NYAP2: variants seen among roughly 807,000 people sequenced by gnomAD.
NYAP2 encodes the protein neuronal tyrosine-phosphorylated phosphoinositide-3-kinase adaptor 2.
In NYAP2, 23 loss-of-function variants were observed where a neutral mutation model predicts 50.4. That is an observed-to-expected ratio of 0.46 (90% confidence interval 0.33 to 0.65). The LOEUF (loss-of-function observed/expected upper bound fraction) is 0.65. Among genes scored for constraint, NYAP2 ranks in the 30% least tolerant of loss-of-function variants. The pLI, the probability that NYAP2 is intolerant of heterozygous loss-of-function variation, is 0.02. For missense variants in NYAP2, 885 were observed against 861.0 expected, an observed-to-expected ratio of 1.03 and a Z score of -0.35; for synonymous variants, 394 against 365.2, an observed-to-expected ratio of 1.08 and a Z score of -0.90.
chr2:225,445,263 T>C (rs57649890), intron 3 of NYAP2, among the ~76,000 whole-genome samples: 7,230 of 152,200 alleles, frequency 0.048, 300 homozygotes, highest in African/African-American at 0.11. Flanking sequence ...TTTTAGGAAC[T>C]TATGCTAAAG....
intron 4 of NYAP2, among the ~76,000 whole-genome samples, chr2:225,528,371 T>C (rs1470735324): frequency 1.3e-5 from 2 of 152,202 alleles, no homozygotes; most frequent in Non-Finnish European, 2.9e-5. Context: ...TTTTTCTCTT[T>C]GTCTTTCCTT....
Position 225,582,993 on chromosome 2 carries a change from C to T in NYAP2, c.1576C>T (p.Arg526Cys), listed in dbSNP as rs763108869. ...CTTCTCCTCCGGCCGCAGCCTGCTG[C>T]GCAAGTCGTCCAGTGGCCGGCGCTC... is the stretch of plus-strand genomic sequence containing the variant. Residue 526 changes from arginine (R) to cysteine (C), a missense_variant, in exon 5 of 7, where the codon CGC becomes TGC. Arg to Cys is a radical substitution (Grantham distance 180). Coordinates refer to ENST00000636099, the Ensembl canonical transcript of NYAP2. The surrounding 1 kb of genome is among the most constrained non-coding windows in gnomAD (Gnocchi z 7.0). 3 of 1,612,056 alleles carry T rather than the reference C, an allele frequency of 1.9e-6. No homozygotes were observed. Among genetic ancestry groups the T allele is most frequent in the Admixed American group, 1.7e-5 (1 of 59,946 alleles).
At chr2:225,600,593 G>C (rs1171423888) in intron 5 of NYAP2, among the ~76,000 whole-genome samples, 1 of 152,172 alleles carries the variant, frequency 6.6e-6, no homozygotes, top group African/African-American at 2.4e-5. Context: ...GCAAGATGTA[G>C]TTGGTTAGGT....
At chr2:225,686,832 C>T in the NYAP2 span, among the ~76,000 whole-genome samples, 850 of 152,092 alleles carry the variant, frequency 5.6e-3, 16 homozygotes, top group African/African-American at 0.019. Flanking sequence ...ATAATGAAGA[C>T]GAAGACAATG....
chr2:225,422,682 A>C (rs1695233650), intron 3 of NYAP2, among the ~76,000 whole-genome samples: 1 of 152,306 alleles, frequency 6.6e-6, no homozygotes, highest in East Asian at 1.9e-4. Flanking sequence ...AAGTATAGTC[A>C]ATACAAAATT....
At chr2:225,568,636 G>A (rs904287351) in intron 4 of NYAP2, among the ~76,000 whole-genome samples, 3 of 152,200 alleles carry the variant, frequency 2.0e-5, no homozygotes, top group East Asian at 1.9e-4. Context: ...CTAAGATCAA[G>A]ACAGACAAGG....
At chr2:225,459,153 C>T (rs1288543345) in intron 3 of NYAP2, among the ~76,000 whole-genome samples, 2 of 152,084 alleles carry the variant, frequency 1.3e-5, no homozygotes, top group Non-Finnish European at 2.9e-5. Flanking sequence ...ATAGCTAAAC[C>T]GTTTAACATG....
chr2:225,688,079 C>T, the NYAP2 span, among the ~76,000 whole-genome samples: 2 of 152,086 alleles, frequency 1.3e-5, no homozygotes, highest in African/African-American at 4.8e-5. Context: ...TGGTTGAATG[C>T]ATACTAAGGC....
intron 3 of NYAP2, among the ~76,000 whole-genome samples, chr2:225,417,941 G>T (rs1695151942): frequency 6.6e-6 from 1 of 152,000 alleles, no homozygotes; most frequent in Admixed American, 6.6e-5. Flanking sequence ...TTGGGAGGTG[G>T]AGAAGGCAGA....
chr2:225,675,548 G>A, the NYAP2 span, among the ~76,000 whole-genome samples: 1 of 152,080 alleles, frequency 6.6e-6, no homozygotes, highest in African/African-American at 2.4e-5. Flanking sequence ...CAAATCCACT[G>A]TTTATGGGCA....
downstream of NYAP2, among the ~76,000 whole-genome samples, chr2:225,656,181 T>C (rs1464181780): frequency 6.6e-6 from 1 of 152,086 alleles, no homozygotes; most frequent in African/African-American, 2.4e-5. Context: ...TTCCAAAGTT[T>C]GACAGACCAA....
At chr2:225,551,842 T>A (rs1312336377) in intron 4 of NYAP2, among the ~76,000 whole-genome samples, 1 of 152,184 alleles carries the variant, frequency 6.6e-6, no homozygotes. Flanking sequence ...GATGGAGTTT[T>A]ACTCTTGTTG....
intron 3 of NYAP2, among the ~76,000 whole-genome samples, chr2:225,420,153 A>C (rs1695192851): frequency 6.6e-6 from 1 of 152,150 alleles, no homozygotes; most frequent in South Asian, 2.1e-4. Context: ...TGCATTGATG[A>C]TGGCTTCTCC....
At chr2:225,441,155 C>T (rs1364971412) in intron 3 of NYAP2, among the ~76,000 whole-genome samples, 2 of 152,154 alleles carry the variant, frequency 1.3e-5, no homozygotes, top group Non-Finnish European at 2.9e-5. Context: ...TTAAGAGCTA[C>T]GTATTCCACA....
Position 225,593,252 on chromosome 2 carries a change from A to G in NYAP2, c.1618+10217A>G, listed in dbSNP as rs146356613. 2.5e-3 allele frequency among the ~76,000 whole-genome samples: 385 copies of G among 152,234 alleles called. 7 individuals are homozygous for G. The highest frequency in any genetic ancestry group is 9.0e-3 in the African/African-American group (373 of 41,542). ...GTGGTTTCCATTAACAAGCTTTGAG[A>G]CCTTAGATAAGTCAGTTTGCCTCTT... On this transcript the variant is annotated intron_variant, in intron 5 of 6. Coordinates refer to ENST00000636099, the Ensembl canonical transcript of NYAP2.
chr2:225,587,158 G>T (rs983756330), intron 5 of NYAP2, among the ~76,000 whole-genome samples: 7 of 152,156 alleles, frequency 4.6e-5, no homozygotes, highest in Non-Finnish European at 8.8e-5. Context: ...AACACGTGTG[G>T]ATTATGGGGA....
intron 4 of NYAP2, among the ~76,000 whole-genome samples, chr2:225,532,507 G>C (rs546693420): frequency 6.6e-5 from 10 of 152,148 alleles, no homozygotes; most frequent in Non-Finnish European, 1.3e-4. Flanking sequence ...ACATGGAGCA[G>C]AACACAGGAA....
At chr2:225,514,416 A>G (rs1409575255) in intron 4 of NYAP2, among the ~76,000 whole-genome samples, 2 of 152,192 alleles carry the variant, frequency 1.3e-5, no homozygotes, top group Non-Finnish European at 2.9e-5. Flanking sequence ...CTATAACAAA[A>G]CACCATAGCC....
At chr2:225,578,762 C>A (rs1045512932) in intron 4 of NYAP2, among the ~76,000 whole-genome samples, 68 of 152,120 alleles carry the variant, frequency 4.5e-4, no homozygotes, top group African/African-American at 1.6e-3. Flanking sequence ...TTTCCAGTGC[C>A]AGAGGATGAC....
Sources: allele counts gnomAD v4.1 joint callset (sites outside exome capture counted in the v4.1 genomes callset), GRCh38; gene constraint gnomAD v4.1.1; non-coding constraint Gnocchi (gnomAD v3.1); transcripts MANE v1.5; gene names NCBI Gene and HGNC (gene_info 2026-07-23, HGNC 2026-07-21).